SLC24A3: variants seen among roughly 807,000 people sequenced by gnomAD.
The protein encoded by SLC24A3 is solute carrier family 24 member 3.
A neutral mutation model predicts 75.8 loss-of-function variants in SLC24A3; 28 were observed. The observed-to-expected ratio is 0.37, with a 90% CI of 0.27 to 0.51. The LOEUF (loss-of-function observed/expected upper bound fraction) is 0.51, where lower values mean the gene tolerates loss of function less well. SLC24A3 is among the 20% of genes least tolerant of loss of function. SLC24A3 has a pLI of 0.94. For missense variants in SLC24A3, 663 were observed against 847.8 expected, an observed-to-expected ratio of 0.78 and a Z score of 2.71; for synonymous variants, 372 against 334.1, an observed-to-expected ratio of 1.11 and a Z score of -1.24.
intron 1 of SLC24A3, among the ~76,000 whole-genome samples, chr20:19,228,325 C>T (rs769003457): frequency 2.0e-5 from 3 of 152,026 alleles, no homozygotes; most frequent in South Asian, 2.1e-4. Flanking sequence ...AGTTTCCTTT[C>T]ATTTGTGGTT....
intron 6 of SLC24A3, among the ~76,000 whole-genome samples, chr20:19,629,439 A>G (rs539809390): frequency 3.9e-4 from 60 of 152,160 alleles, no homozygotes; most frequent in Middle Eastern, 3.2e-3. Context: ...ACCAATGTAC[A>G]CATCATGGGA....
chr20:19,274,412 G>A (rs1157226991), intron 1 of SLC24A3, among the ~76,000 whole-genome samples: 1 of 152,082 alleles, frequency 6.6e-6, no homozygotes, highest in Non-Finnish European at 1.5e-5. Flanking sequence ...TGAGGGGAAT[G>A]AATGTATGGC....
chr20:19,678,143 A>G (rs1238597996), intron 9 of SLC24A3, among the ~76,000 whole-genome samples: 9 of 150,308 alleles, frequency 6.0e-5, no homozygotes, highest in Admixed American at 2.0e-4. Context: ...CGATTTCTCA[A>G]TCTTTTCCCC....
Position 19,722,522 on chromosome 20 carries a change from C to T in SLC24A3, c.*1382C>T, listed in dbSNP as rs2033114765. ...TGCTGAATTATTATGCAGACTAATT[C>T]CACCCAGTTGAGACACACCATGCTT... On this transcript the variant is annotated 3_prime_UTR_variant, in exon 17 of 17. Coordinates refer to ENST00000328041, the MANE Select transcript of SLC24A3 (RefSeq NM_020689.4). The T allele has an allele frequency of 6.5e-6, 1 of 152,680 alleles. No homozygotes were observed. The highest frequency in any genetic ancestry group is 2.4e-5 in the African/African-American group (1 of 41,456). The allele number at this position is 152,680 out of a possible 1,614,324, so 9.5% of individuals were successfully genotyped here.
At chr20:19,583,871 TCCAGCCGACAGCGAAGCGAC>T (rs2031256524) in intron 4 of SLC24A3, among the ~76,000 whole-genome samples, 1 of 150,556 alleles carries the variant, frequency 6.6e-6, no homozygotes, top group Non-Finnish European at 1.5e-5. Flanking sequence ...AGCTTCGCTG[TCCAGCCGACAGCGAAGCGAC>T]CCAGGATCCT....
chr20:19,436,440 T>C (rs1987204553), intron 2 of SLC24A3, among the ~76,000 whole-genome samples: 1 of 152,218 alleles, frequency 6.6e-6, no homozygotes. Context: ...TATGCTCATG[T>C]AGATTTACTG....
At chr20:19,240,843 TGGG>T (rs1372096255) in intron 1 of SLC24A3, among the ~76,000 whole-genome samples, 1 of 152,146 alleles carries the variant, frequency 6.6e-6, no homozygotes, top group Non-Finnish European at 1.5e-5. Context: ...GCCCCTCGCA[TGGG>T]GCAGGGGAAA....
chr20:19,295,865 G>A (rs1208144823), intron 2 of SLC24A3, among the ~76,000 whole-genome samples: 1 of 152,050 alleles, frequency 6.6e-6, no homozygotes, highest in African/African-American at 2.4e-5. Flanking sequence ...GATGATGCTG[G>A]CCTCATAGAA....
intron 2 of SLC24A3, among the ~76,000 whole-genome samples, chr20:19,309,820 G>A (rs1201681912): frequency 4.9e-5 from 7 of 142,212 alleles, no homozygotes; most frequent in African/African-American, 2.1e-4. Context: ...ATCATCATTT[G>A]GGGGAATGTG....
chr20:19,476,247 AAAT>A (rs1400367633), intron 2 of SLC24A3, among the ~76,000 whole-genome samples: 1 of 152,214 alleles, frequency 6.6e-6, no homozygotes, highest in Admixed American at 6.5e-5. Flanking sequence ...TGGTAGTTAA[AAAT>A]AATATGTCCG....
At chr20:19,497,382 GACGCT>G (rs1346649059) in intron 2 of SLC24A3, among the ~76,000 whole-genome samples, 2 of 152,180 alleles carry the variant, frequency 1.3e-5, no homozygotes, top group Non-Finnish European at 2.9e-5. Flanking sequence ...CAGAATCCCA[GACGCT>G]ATGTCCTCCG....
chr20:19,487,345 C>A (rs1988144304), intron 2 of SLC24A3, among the ~76,000 whole-genome samples: 1 of 152,192 alleles, frequency 6.6e-6, no homozygotes, highest in Admixed American at 6.5e-5. Flanking sequence ...CATTCTCTTT[C>A]TTTTTCCCTT....
intron 6 of SLC24A3, among the ~76,000 whole-genome samples, chr20:19,619,440 C>T (rs1408439997): frequency 2.0e-5 from 3 of 152,206 alleles, no homozygotes; most frequent in African/African-American, 7.2e-5. Context: ...CATATGATTT[C>T]AGCCTGCAAT....
intron 6 of SLC24A3, among the ~76,000 whole-genome samples, chr20:19,622,277 C>T (rs570152265): frequency 4.6e-5 from 7 of 152,220 alleles, no homozygotes; most frequent in Admixed American, 3.9e-4. Flanking sequence ...AACTCAGGCT[C>T]ACTGGAGGAA....
At chr20:19,267,140 A>G (rs112271455) in intron 1 of SLC24A3, among the ~76,000 whole-genome samples, 125 of 152,330 alleles carry the variant, frequency 8.2e-4, no homozygotes, top group African/African-American at 2.9e-3. Flanking sequence ...ATGTTGTTAT[A>G]TTTATGGTAG....
At chr20:19,682,315 G>T (rs2032624427) in intron 10 of SLC24A3, among the ~76,000 whole-genome samples, 1 of 152,172 alleles carries the variant, frequency 6.6e-6, no homozygotes, top group African/African-American at 2.4e-5. Flanking sequence ...TGAGAAGAAA[G>T]TGCTAGAATA....
intron 1 of SLC24A3, among the ~76,000 whole-genome samples, chr20:19,245,952 T>G (rs1314392675): frequency 6.6e-6 from 1 of 152,164 alleles, no homozygotes; most frequent in Non-Finnish European, 1.5e-5. Flanking sequence ...TAATAAAGTC[T>G]TTAAGGTATA....
intron 2 of SLC24A3, among the ~76,000 whole-genome samples, chr20:19,412,548 A>G (rs1986763047): frequency 6.7e-6 from 1 of 149,738 alleles, no homozygotes; most frequent in African/African-American, 2.4e-5. Flanking sequence ...AAAGAGGAAG[A>G]CGGAGAAGGA....
intron 6 of SLC24A3, among the ~76,000 whole-genome samples, chr20:19,599,718 C>T (rs1426502214): frequency 2.0e-5 from 3 of 152,154 alleles, no homozygotes; most frequent in Admixed American, 6.5e-5. Flanking sequence ...GAATTTGAGG[C>T]CTTTCTGATA....
Sources: gnomAD v4.1 joint callset for allele counts (sites outside exome capture counted in the v4.1 genomes callset) on GRCh38, gnomAD v4.1.1 for gene constraint, MANE v1.5 for transcripts, NCBI Gene and HGNC (gene_info 2026-07-23, HGNC 2026-07-21) for gene names.